Variants in ITPR2 observed in about 807,000 individuals in gnomAD.
The protein encoded by ITPR2 is inositol 1,4,5-trisphosphate receptor type 2.
Under a neutral mutation model 317.1 loss-of-function variants are expected in ITPR2, and 207 were observed. The observed-to-expected ratio is 0.65, with a 90% CI of 0.58 to 0.73. The LOEUF (loss-of-function observed/expected upper bound fraction) is 0.73. Among genes scored for constraint, ITPR2 ranks in the 30% least tolerant of loss-of-function variants. The probability of loss-of-function intolerance (pLI) is 0.00; values close to 1 mark genes in which losing one functional copy is unlikely to be tolerated. For missense variants in ITPR2, 2,613 were observed against 3,284.0 expected, an observed-to-expected ratio of 0.80 and a Z score of 4.99; for synonymous variants, 1,156 against 1,149.1, an observed-to-expected ratio of 1.01 and a Z score of -0.12.
intron 2 of ITPR2, among the ~76,000 whole-genome samples, chr12:26,786,614 GGTAAAAC>G (rs906238896): frequency 5.3e-5 from 8 of 151,760 alleles, no homozygotes; most frequent in African/African-American, 1.7e-4. Context: ...TTGTTTATTT[GGTAAAAC>G]TTAGTTTCCT....
At chr12:26,444,180 T>C (rs775697080) in intron 45 of ITPR2, among the ~76,000 whole-genome samples, 5 of 152,150 alleles carry the variant, frequency 3.3e-5, no homozygotes, top group Admixed American at 3.3e-4. Flanking sequence ...TTTATTGTCA[T>C]TGAAATCAGG....
rs118058231 is a variant in ITPR2, at chr12:26,430,932, G to A, written c.6770-2844C>T. Among the ~76,000 whole-genome samples the A allele has an allele frequency of 8.2e-3, 1,245 of 152,084 alleles. 24 individuals carry two copies. Among genetic ancestry groups the A allele is most frequent in the East Asian group, 0.072 (374 of 5,166 alleles). On this transcript the variant is annotated intron_variant, in intron 48 of 56. Transcript: ENST00000381340. ...CTCATGAGATCTTTCTGTTTCCTCT[G>A]CCTCAGTCCAGCTAAAGTAGACATC...
chr12:26,393,161 G>C lies in ITPR2; in HGVS notation c.7697-5567C>G, dbSNP rs1423534250. 4.6e-5 allele frequency among the ~76,000 whole-genome samples: 7 copies of C among 152,160 alleles called. No homozygotes were observed. The East Asian group carries it at 1.3e-3, about 29-fold the overall frequency. ...TCTTGTCCTACTCTGGGTGTCCCTT[G>C]GCACACACCTGGAGCCAGTTCTCTC... On this transcript the variant is annotated intron_variant, in intron 54 of 56. Transcript: ENST00000381340.
chr12:26,631,979 TG>T lies in ITPR2; in HGVS notation c.2820del (p.Met941Ter). The T allele has an allele frequency of 6.2e-7, 1 of 1,613,666 alleles. No homozygotes were observed. The highest frequency in any genetic ancestry group is 8.5e-7 in the Non-Finnish European group (1 of 1,179,814). Reference protein sequence around the residue: ...QMVLSRGSIFPMSVPDVPPSI... With the variant: ...QMVLSRGSIFXMSVPDVPPSI... ...CTGGGTGGCACATCCGGCACGCTCA[TG>T]GGGAAGATGGAGCCTCTACTGAGTA... On this transcript the variant is annotated frameshift_variant, in exon 22 of 57. Transcript: ENST00000381340. LOFTEE classifies it high-confidence loss of function.
At chr12:26,492,084 G>T (rs1432791288) in intron 39 of ITPR2, among the ~76,000 whole-genome samples, 1 of 152,206 alleles carries the variant, frequency 6.6e-6, no homozygotes, top group Non-Finnish European at 1.5e-5. Flanking sequence ...AAAAACCTTT[G>T]CAGAAGGCTA....
At chr12:26,587,033 T>C (rs1268381248) in intron 32 of ITPR2, among the ~76,000 whole-genome samples, 25 of 151,576 alleles carry the variant, frequency 1.6e-4, no homozygotes, top group Admixed American at 1.6e-3. Flanking sequence ...ATATTATATA[T>C]GCAAAAGTCT....
Position 26,832,915 on chromosome 12 carries a change from G to A in ITPR2, c.-134C>T, listed in dbSNP as rs1007358665. 5 of 684,918 alleles carry A rather than the reference G, an allele frequency of 7.3e-6. No individual in the cohort carries two copies. The highest frequency in any genetic ancestry group is 2.9e-5 in the Admixed American group (1 of 34,008). The allele number at this position is 684,918 out of a possible 1,614,324, so 42.4% of individuals were successfully genotyped here. A position where few individuals can be genotyped will look rare whatever the true frequency, so the allele number is the denominator to read the frequency against. ...GCCAAGAGCCGCGGCGGAGGGCACG[G>A]CCCGAGCCACTGAGCGTCGCGGCTC... is the stretch of plus-strand genomic sequence containing the variant. On this transcript the variant is annotated 5_prime_UTR_variant, in exon 1 of 57. Transcript: ENST00000381340.
rs1217567202 is a variant in ITPR2 at position 26,335,956 on chromosome 12, CCG to C, written c.*3439_*3440del. ...TTGTTATTCAGGATGGCTTTAACAGCCGCTGGAAGGAACACACCATCTTATGG... is the reference window on the plus strand; with the variant it reads ...TTGTTATTCAGGATGGCTTTAACAGCCTGGAAGGAACACACCATCTTATGG... On this transcript the variant is annotated 3_prime_UTR_variant, in exon 57 of 57. Transcript: ENST00000381340. The C allele has an allele frequency of 6.6e-6, 1 of 152,190 alleles. No homozygotes were observed. Among genetic ancestry groups the C allele is most frequent in the Non-Finnish European group, 1.5e-5 (1 of 68,050 alleles). 9.4% of individuals were successfully genotyped at this position (152,190 alleles called of 1,614,324 possible). A position where few individuals can be genotyped will look rare whatever the true frequency, so the allele number is the denominator to read the frequency against.
intron 21 of ITPR2, among the ~76,000 whole-genome samples, chr12:26,634,176 A>T (rs1303628357): frequency 6.6e-6 from 1 of 152,206 alleles, no homozygotes; most frequent in Non-Finnish European, 1.5e-5. Context: ...TAAAAATGCT[A>T]CATTTTCTGG....
At position 26,777,480 on chromosome 12, in the gene ITPR2, T is replaced by C. The variant is rs569110864; in HGVS notation, c.163+12677A>G. Among the ~76,000 whole-genome samples the C allele has an allele frequency of 5.9e-4, 90 of 152,286 alleles. 1 individual carries two copies. The South Asian group carries it at 0.018, about 31-fold the overall frequency. On this transcript the variant is annotated intron_variant, in intron 2 of 56. Coordinates refer to ENST00000381340, the MANE Select transcript of ITPR2 (RefSeq NM_002223.4). ...GGATCCCAAGGTGGTAGGGGCCAAG[T>C]GGTAACATTCAACTGTCAGAGGCAC...
chr12:26,633,527 T>A (rs1398485232), intron 21 of ITPR2, among the ~76,000 whole-genome samples: 2 of 152,198 alleles, frequency 1.3e-5, no homozygotes, highest in Non-Finnish European at 2.9e-5. Context: ...CACGACAAAA[T>A]GTATATATAA....
At chr12:26,364,030 T>C (rs1421373185) in intron 55 of ITPR2, among the ~76,000 whole-genome samples, 2 of 152,186 alleles carry the variant, frequency 1.3e-5, no homozygotes, top group Non-Finnish European at 2.9e-5. Context: ...AACTAGCTTA[T>C]GTGTCTGGCA....
chr12:26,531,661 A>ACG (rs1335203806), intron 37 of ITPR2, among the ~76,000 whole-genome samples: 2 of 136,252 alleles, frequency 1.5e-5, no homozygotes, highest in African/African-American at 5.2e-5. Context: ...ATTTACACAC[A>ACG]CACACACACA....
At chr12:26,816,627 G>T (rs1950858627) in intron 1 of ITPR2, among the ~76,000 whole-genome samples, 1 of 152,174 alleles carries the variant, frequency 6.6e-6, no homozygotes, top group Non-Finnish European at 1.5e-5. Flanking sequence ...AGTATAGTGG[G>T]TGAAACAAAC....
chr12:26,412,532 C>T (rs933111691), intron 51 of ITPR2, among the ~76,000 whole-genome samples: 2 of 152,018 alleles, frequency 1.3e-5, no homozygotes, highest in South Asian at 4.2e-4. Context: ...CCCCCAGGCC[C>T]AGAGCTGAGG....
intron 13 of ITPR2, among the ~76,000 whole-genome samples, chr12:26,670,333 G>C (rs568941038): frequency 6.6e-6 from 1 of 152,106 alleles, no homozygotes; most frequent in Admixed American, 6.5e-5. Flanking sequence ...ACACGGCCGG[G>C]TACTCCTCTG....
chr12:26,394,483 A>C (rs1939935872), intron 54 of ITPR2, among the ~76,000 whole-genome samples: 1 of 152,160 alleles, frequency 6.6e-6, no homozygotes, highest in African/African-American at 2.4e-5. Flanking sequence ...TTCCAAATGA[A>C]ATTGTTCTCC....
intron 13 of ITPR2, among the ~76,000 whole-genome samples, chr12:26,668,828 T>C (rs907816702): frequency 1.3e-4 from 19 of 151,336 alleles, no homozygotes; most frequent in African/African-American, 4.4e-4. Flanking sequence ...ATCTGAGAGA[T>C]AAAAATTATA....
chr12:26,822,444 A>G (rs1415801487), intron 1 of ITPR2, among the ~76,000 whole-genome samples: 2 of 152,058 alleles, frequency 1.3e-5, no homozygotes, highest in Admixed American at 6.6e-5. Flanking sequence ...CAAGTGGGAG[A>G]CTCGTGTATG....
Sources: gnomAD v4.1 joint callset for allele counts (sites outside exome capture counted in the v4.1 genomes callset) on GRCh38, gnomAD v4.1.1 for gene constraint, MANE v1.5 for transcripts, NCBI Gene and HGNC (gene_info 2026-07-23, HGNC 2026-07-21) for gene names.